The following DLC1 variants were observed in gnomAD, a reference collection of about 807,000 sequenced individuals.
DLC1 encodes the protein rho GTPase-activating protein 7.
DLC1 carries 54 observed loss-of-function variants against 140.3 expected under a neutral mutation model. That is an observed-to-expected ratio of 0.38 (90% CI 0.31 to 0.48). DLC1 has a LOEUF of 0.48. Ranked by LOEUF, DLC1 falls within the 20% of genes least tolerant of loss-of-function variation. The probability of loss-of-function intolerance (pLI) is 0.96; values close to 1 mark genes in which losing one functional copy is unlikely to be tolerated. For synonymous variants in DLC1, 986 were observed against 728.1 expected (o/e 1.35, Z -5.70); for missense variants, 2,536 against 1,907.0 (o/e 1.33, Z -6.14).
intron 5 of DLC1, among the ~76,000 whole-genome samples, chr8:13,298,507 T>G (rs75262247): frequency 0.065 from 9,935 of 152,264 alleles, 449 homozygotes; most frequent in South Asian, 0.099. Flanking sequence ...ACATCTATAT[T>G]TTAATAGCTA....
chr8:13,105,606 T>C (rs1819497433), intron 7 of DLC1, among the ~76,000 whole-genome samples: 1 of 151,564 alleles, frequency 6.6e-6, no homozygotes, highest in Non-Finnish European at 1.5e-5. Context: ...TTTTTTTTTT[T>C]TGGAGACAGT....
At chr8:13,377,430 A>G (rs1051630662) in intron 4 of DLC1, among the ~76,000 whole-genome samples, 4 of 152,192 alleles carry the variant, frequency 2.6e-5, no homozygotes, top group Admixed American at 2.0e-4. Context: ...TGTTGTAAGG[A>G]GGACAGTTAT....
chr8:13,127,116 T>C (rs991321244), intron 5 of DLC1, among the ~76,000 whole-genome samples: 11 of 152,172 alleles, frequency 7.2e-5, no homozygotes, highest in Non-Finnish European at 1.3e-4. Flanking sequence ...GAGAAAAAAG[T>C]AAGATTTGCT....
intron 1 of DLC1, among the ~76,000 whole-genome samples, chr8:13,522,952 A>G (rs1452602304): frequency 6.6e-6 from 1 of 152,188 alleles, no homozygotes; most frequent in African/African-American, 2.4e-5. Flanking sequence ...GGCAGTTTCC[A>G]GAAATAGCAA....
At chr8:13,098,034 GAA>G (rs35785512) in intron 10 of DLC1, among the ~76,000 whole-genome samples, 2,462 of 68,694 alleles carry the variant, frequency 0.036, 37 homozygotes, top group African/African-American at 0.11. Flanking sequence ...AAGGAAAAAA[GAA>G]AAAAAAAAAA....
intron 1 of DLC1, among the ~76,000 whole-genome samples, chr8:13,526,876 C>G (rs1406764664): frequency 6.6e-6 from 1 of 152,108 alleles, no homozygotes; most frequent in Middle Eastern, 3.2e-3. Flanking sequence ...ACATATGTAA[C>G]AAACCTGCAC....
intron 4 of DLC1, among the ~76,000 whole-genome samples, chr8:13,325,100 G>T (rs183433200): frequency 2.3e-4 from 35 of 152,266 alleles, no homozygotes; most frequent in African/African-American, 8.4e-4. Flanking sequence ...CAACAGAGAG[G>T]TTTCTTTTTA....
chr8:13,561,268 C>T (rs533194161), intron 1 of DLC1, among the ~76,000 whole-genome samples: 2 of 152,104 alleles, frequency 1.3e-5, no homozygotes, highest in East Asian at 1.9e-4. Context: ...TAGAGGTGCA[C>T]ACCTGGCTAA....
At chr8:13,434,110 C>T (rs1051041972) in intron 2 of DLC1, among the ~76,000 whole-genome samples, 3 of 152,208 alleles carry the variant, frequency 2.0e-5, no homozygotes, top group African/African-American at 7.2e-5. Flanking sequence ...CTTCTGACCT[C>T]AGGTGATCCA....
intron 4 of DLC1, among the ~76,000 whole-genome samples, chr8:13,326,822 T>C (rs1833367859): frequency 6.6e-6 from 1 of 152,218 alleles, no homozygotes; most frequent in Admixed American, 6.5e-5. Flanking sequence ...GCTCTAGGAA[T>C]CATATTTTGA....
intron 5 of DLC1, among the ~76,000 whole-genome samples, chr8:13,288,719 C>A (rs1000419641): frequency 1.3e-5 from 2 of 152,206 alleles, no homozygotes; most frequent in African/African-American, 2.4e-5. Flanking sequence ...CGGCCCCTAT[C>A]AACGTCACTA....
intron 1 of DLC1, among the ~76,000 whole-genome samples, chr8:13,526,489 G>T (rs1186039704): frequency 2.0e-5 from 3 of 151,974 alleles, no homozygotes; most frequent in African/African-American, 7.2e-5. Context: ...AGTGTTTCCT[G>T]CTTTTTACTG....
intron 4 of DLC1, among the ~76,000 whole-genome samples, chr8:13,325,895 T>C (rs971454926): frequency 1.3e-5 from 2 of 152,226 alleles, no homozygotes; most frequent in African/African-American, 4.8e-5. Context: ...GTAACGATGA[T>C]TTTCTATACA....
chr8:13,600,826 A>T (rs528677725), intron 1 of DLC1, among the ~76,000 whole-genome samples: 3 of 151,752 alleles, frequency 2.0e-5, no homozygotes, highest in African/African-American at 7.2e-5. Flanking sequence ...TTTATAAGCA[A>T]AACTGATCAG....
At position 13,494,932 on chromosome 8, in the gene DLC1, G is replaced by C. The variant is rs1000631446; in HGVS notation, c.1023+4117C>G. ...CACCCCTGCACTCCAGCCTGGGTAA[G>C]GAAGCAAGACTCCATCTCAAAGAAA... On this transcript the variant is annotated intron_variant, in intron 2 of 17. Transcript: ENST00000276297. Among the ~76,000 whole-genome samples, 6 of 152,156 alleles carry C rather than the reference G, an allele frequency of 3.9e-5. 1 individual carries two copies. The Middle Eastern group carries it at 0.014, about 347-fold the overall frequency.
intron 2 of DLC1, among the ~76,000 whole-genome samples, chr8:13,451,032 C>A (rs1212720512): frequency 1.1e-4 from 4 of 36,214 alleles, no homozygotes; most frequent in African/African-American, 2.5e-4. Context: ...AGTGAGACTC[C>A]GTCTCAAAAA....
chr8:13,136,480 C>T (rs116718782), intron 5 of DLC1, among the ~76,000 whole-genome samples: 6,026 of 152,202 alleles, frequency 0.04, 296 homozygotes, highest in African/African-American at 0.12. Flanking sequence ...TAATGGCCTC[C>T]AGCTGCATTC....
At chr8:13,126,779 C>T (rs928501571) in intron 5 of DLC1, among the ~76,000 whole-genome samples, 3 of 152,108 alleles carry the variant, frequency 2.0e-5, no homozygotes, top group Non-Finnish European at 4.4e-5. Context: ...GGGCATCTCC[C>T]GCAACATTGG....
At chr8:13,284,024 T>C (rs959855386) in intron 5 of DLC1, among the ~76,000 whole-genome samples, 2 of 151,938 alleles carry the variant, frequency 1.3e-5, no homozygotes, top group African/African-American at 4.8e-5. Context: ...TGGACTAGAG[T>C]CACTTCCAGT....
Sources: allele counts gnomAD v4.1 joint callset (sites outside exome capture counted in the v4.1 genomes callset), GRCh38; gene constraint gnomAD v4.1.1; transcripts MANE v1.5; gene names NCBI Gene and HGNC (gene_info 2026-07-23, HGNC 2026-07-21).